The following SGCG variants were observed in gnomAD, a reference collection of about 807,000 sequenced individuals.
The protein encoded by SGCG is gamma-sarcoglycan.
In SGCG, 26 loss-of-function variants were observed where a neutral mutation model predicts 29.3. The observed-to-expected ratio is 0.89, with a 90% CI of 0.65 to 1.23. The LOEUF (loss-of-function observed/expected upper bound fraction) is 1.23. Among genes scored for constraint, SGCG ranks in the 50% most tolerant of loss-of-function variants. SGCG has a pLI of 0.00. For synonymous variants in SGCG, 145 were observed against 129.7 expected (o/e 1.12, Z -0.80); for missense variants, 353 against 356.0 (o/e 0.99, Z 0.07).
Position 23,193,079 on chromosome 13 carries a change from G to A in SGCG, c.1-10616G>A, listed in dbSNP as rs111350551. On this transcript the variant is annotated intron_variant, in intron 1 of 7. Coordinates refer to ENST00000218867, the MANE Select transcript of SGCG (RefSeq NM_000231.3). Reference sequence around the variant, plus strand: ...TACAGGATAAAAGGGACAAGAGCAGGTGTTTATGGAAGGCTGAGGTCAGGA... The same window carrying A: ...TACAGGATAAAAGGGACAAGAGCAGATGTTTATGGAAGGCTGAGGTCAGGA... Among the ~76,000 whole-genome samples, 1,432 of 152,332 alleles carry A rather than the reference G, an allele frequency of 9.4e-3. 20 individuals are homozygous for A. Among genetic ancestry groups the A allele is most frequent in the Middle Eastern group, 0.031 (9 of 294 alleles).
intron 1 of SGCG, among the ~76,000 whole-genome samples, chr13:23,187,117 TC>T (rs199901609): frequency 0.011 from 1,701 of 152,212 alleles, 13 homozygotes; most frequent in Non-Finnish European, 0.019. Context: ...ATGCATGGCC[TC>T]CCTCCCTGCC....
intron 4 of SGCG, among the ~76,000 whole-genome samples, chr13:23,260,222 G>A (rs562016668): frequency 6.6e-6 from 1 of 152,272 alleles, no homozygotes; most frequent in East Asian, 1.9e-4. Flanking sequence ...ATGAATCTGG[G>A]TGCTCCTGTA....
intron 3 of SGCG, among the ~76,000 whole-genome samples, chr13:23,249,777 T>G (rs956816693): frequency 6.6e-6 from 1 of 152,134 alleles, no homozygotes; most frequent in African/African-American, 2.4e-5. Context: ...AGACAAAAAT[T>G]AATGAACCAA....
chr13:23,171,651 ATGGTT>A, the SGCG span, among the ~76,000 whole-genome samples: 1 of 152,130 alleles, frequency 6.6e-6, no homozygotes, highest in Non-Finnish European at 1.5e-5. Context: ...GACATAGGGG[ATGGTT>A]TCAGGATGTA....
intron 6 of SGCG, among the ~76,000 whole-genome samples, chr13:23,299,454 A>ATTTTTTTTTTTTTTT (rs1882057854): frequency 1.6e-4 from 7 of 42,670 alleles, no homozygotes; most frequent in Non-Finnish European, 2.3e-4. Flanking sequence ...ATATATATAT[A>ATTTTTTTTTTTTTTT]TATTTTTTTT....
intron 2 of SGCG, among the ~76,000 whole-genome samples, chr13:23,233,670 A>T (rs1368161793): frequency 6.6e-6 from 1 of 152,300 alleles, no homozygotes. Flanking sequence ...AGTGGTTAAG[A>T]TGGTAAAATG....
At chr13:23,180,343 A>C (rs1261830885), upstream of SGCG, among the ~76,000 whole-genome samples, 1 of 25,720 alleles carries the variant, frequency 3.9e-5, no homozygotes, top group Non-Finnish European at 7.0e-5. Flanking sequence ...TTTGTTAAAC[A>C]CAATAGAAAT....
chr13:23,221,330 T>C (rs993234321), intron 2 of SGCG, among the ~76,000 whole-genome samples: 2 of 152,226 alleles, frequency 1.3e-5, no homozygotes, highest in African/African-American at 4.8e-5. Flanking sequence ...TTAAAAGTTT[T>C]TTTGAATTAG....
At chr13:23,194,208 GT>G (rs1446662188) in intron 1 of SGCG, among the ~76,000 whole-genome samples, 2 of 152,156 alleles carry the variant, frequency 1.3e-5, no homozygotes, top group African/African-American at 2.4e-5. Context: ...AGAAGGACCT[GT>G]TTGGTGCAGA....
chr13:23,282,660 T>A (rs1374047754), intron 5 of SGCG, among the ~76,000 whole-genome samples: 2 of 152,180 alleles, frequency 1.3e-5, no homozygotes, highest in Non-Finnish European at 2.9e-5. Context: ...AGGGCATGCA[T>A]GATCACATTC....
intron 1 of SGCG, among the ~76,000 whole-genome samples, chr13:23,188,460 G>A (rs931355472): frequency 6.7e-6 from 1 of 149,434 alleles, no homozygotes. Context: ...GGAGTAGTTG[G>A]GATTACAGGC....
upstream of SGCG, among the ~76,000 whole-genome samples, chr13:23,180,405 A>G (rs1475724457): frequency 2.0e-5 from 3 of 152,166 alleles, no homozygotes; most frequent in East Asian, 3.8e-4. Flanking sequence ...GAGTTTGTTT[A>G]CCTTCTATTA....
chr13:23,253,272 A>G (rs1387070231), intron 4 of SGCG, among the ~76,000 whole-genome samples: 1 of 152,172 alleles, frequency 6.6e-6, no homozygotes, highest in Non-Finnish European at 1.5e-5. Context: ...TAAGTTACAC[A>G]TCAAAATCTC....
At chr13:23,220,745 A>C (rs4238164) in intron 2 of SGCG, among the ~76,000 whole-genome samples, 117,022 of 151,768 alleles carry the variant, frequency 0.77, 45,293 homozygotes, top group East Asian at 0.92. Flanking sequence ...CAGTCTTCTG[A>C]ATGATTCAGA....
chr13:23,220,325 C>T (rs1043303534), intron 2 of SGCG, among the ~76,000 whole-genome samples: 4 of 152,104 alleles, frequency 2.6e-5, no homozygotes, highest in Non-Finnish European at 5.9e-5. Flanking sequence ...TGGTGCATGC[C>T]TGTAATCCCA....
At chr13:23,215,048 A>G (rs1028217905) in intron 2 of SGCG, among the ~76,000 whole-genome samples, 2 of 152,144 alleles carry the variant, frequency 1.3e-5, no homozygotes, top group African/African-American at 2.4e-5. Context: ...TATGCCTTCA[A>G]TTTTCTCTTT....
intron 3 of SGCG, among the ~76,000 whole-genome samples, chr13:23,248,312 G>C (rs2137565179): frequency 6.6e-6 from 1 of 152,278 alleles, no homozygotes; most frequent in Middle Eastern, 3.4e-3. Flanking sequence ...ATAACATGCA[G>C]GAGAGAACCT....
At chr13:23,170,515 T>C in the SGCG span, 5 of 152,254 alleles carry the variant, frequency 3.3e-5, no homozygotes, top group African/African-American at 1.2e-4. Flanking sequence ...GAAATGTCCC[T>C]GCCTATGAGT....
intron 1 of SGCG, among the ~76,000 whole-genome samples, chr13:23,196,034 T>G (rs1239695448): frequency 6.6e-6 from 1 of 152,022 alleles, no homozygotes; most frequent in Non-Finnish European, 1.5e-5. Flanking sequence ...CTTACAGTAT[T>G]TTTCCTATGA....
Sources: allele counts gnomAD v4.1 joint callset (sites outside exome capture counted in the v4.1 genomes callset), GRCh38; gene constraint gnomAD v4.1.1; transcripts MANE v1.5; gene names NCBI Gene and HGNC (gene_info 2026-07-23, HGNC 2026-07-21).